The following AGBL4 variants were observed in gnomAD, a reference collection of about 807,000 sequenced individuals.
AGBL4 encodes AGBL carboxypeptidase 4, also known as cytosolic carboxypeptidase 6.
In AGBL4, 58 loss-of-function variants were observed where a neutral mutation model predicts 66.4. The ratio of observed to expected loss-of-function variants is 0.87; its 90% CI spans 0.71 to 1.09. AGBL4 has a LOEUF of 1.09. Ranked by LOEUF, AGBL4 falls within the 50% of genes least tolerant of loss-of-function variation. The pLI, the probability that AGBL4 is intolerant of heterozygous loss-of-function variation, is 0.00. For synonymous variants in AGBL4, 234 were observed against 222.9 expected, an observed-to-expected ratio of 1.05 and a Z score of -0.44; for missense variants, 579 against 631.0, an observed-to-expected ratio of 0.92 and a Z score of 0.88.
chr1:49,563,149 A>C (rs1227459005), intron 3 of AGBL4, among the ~76,000 whole-genome samples: 1 of 151,862 alleles, frequency 6.6e-6, no homozygotes, highest in East Asian at 1.9e-4. Flanking sequence ...TGATTTTTGC[A>C]CATTGATTTT....
chr1:48,774,787 C>A (rs1441860384), intron 6 of AGBL4, among the ~76,000 whole-genome samples: 1 of 152,138 alleles, frequency 6.6e-6, no homozygotes, highest in African/African-American at 2.4e-5. Context: ...CCTGAAGAGT[C>A]AAGCACAGTG....
intron 5 of AGBL4, among the ~76,000 whole-genome samples, chr1:48,881,801 T>A (rs1649817235): frequency 1.3e-5 from 2 of 152,140 alleles, no homozygotes; most frequent in African/African-American, 4.8e-5. Flanking sequence ...TTCCTCTGGA[T>A]CCCTTAATTC....
At chr1:48,785,781 CT>C (rs1201418774) in intron 6 of AGBL4, among the ~76,000 whole-genome samples, 5 of 152,104 alleles carry the variant, frequency 3.3e-5, no homozygotes. Context: ...CTTTCTTATC[CT>C]GTTGTTGTTG....
chr1:48,799,297 G>A (rs766324450), intron 6 of AGBL4, among the ~76,000 whole-genome samples: 18 of 152,026 alleles, frequency 1.2e-4, no homozygotes, highest in African/African-American at 3.4e-4. Flanking sequence ...TCTCAGATTC[G>A]TTGTTGTTGG....
At chr1:49,746,061 T>C (rs1193040223) in intron 2 of AGBL4, among the ~76,000 whole-genome samples, 1 of 152,012 alleles carries the variant, frequency 6.6e-6, no homozygotes, top group African/African-American at 2.4e-5. Flanking sequence ...CAAGAAGCTA[T>C]TAATTTGTTC....
chr1:49,776,077 A>G (rs1329327178), intron 2 of AGBL4, among the ~76,000 whole-genome samples: 1 of 152,120 alleles, frequency 6.6e-6, no homozygotes, highest in Non-Finnish European at 1.5e-5. Flanking sequence ...ACAACCAATG[A>G]CAATGCTGAG....
intron 2 of AGBL4, among the ~76,000 whole-genome samples, chr1:49,817,362 A>C (rs540800638): frequency 6.6e-6 from 1 of 152,320 alleles, no homozygotes; most frequent in African/African-American, 2.4e-5. Flanking sequence ...AGATTGCCTA[A>C]TAAGTTTCCA....
At chr1:49,804,891 G>A (rs759177139) in intron 2 of AGBL4, among the ~76,000 whole-genome samples, 41 of 152,048 alleles carry the variant, frequency 2.7e-4, no homozygotes, top group Non-Finnish European at 4.9e-4. Flanking sequence ...AAAACTTTGA[G>A]GTTTATAGCA....
chr1:48,901,145 A>G (rs1652042753), intron 5 of AGBL4, among the ~76,000 whole-genome samples: 1 of 152,220 alleles, frequency 6.6e-6, no homozygotes, highest in Non-Finnish European at 1.5e-5. Flanking sequence ...GTCATTAGGA[A>G]AATGCAAATT....
intron 2 of AGBL4, among the ~76,000 whole-genome samples, chr1:49,757,476 TC>T (rs1199736234): frequency 6.6e-6 from 1 of 152,152 alleles, no homozygotes. Context: ...GTTTGGATCT[TC>T]CTAGAGACTT....
intron 3 of AGBL4, among the ~76,000 whole-genome samples, chr1:49,609,852 T>G (rs141313636): frequency 6.6e-6 from 1 of 152,300 alleles, no homozygotes; most frequent in Non-Finnish European, 1.5e-5. Flanking sequence ...ATGAGAGAAA[T>G]AATATATTCT....
intron 8 of AGBL4, among the ~76,000 whole-genome samples, chr1:48,642,438 T>A (rs1002312619): frequency 1.3e-5 from 2 of 152,120 alleles, no homozygotes; most frequent in African/African-American, 4.8e-5. Context: ...TCCTCTCTCC[T>A]GCTTGGCAGC....
chr1:49,787,735 A>G (rs1041588694), intron 2 of AGBL4, among the ~76,000 whole-genome samples: 1 of 152,116 alleles, frequency 6.6e-6, no homozygotes, highest in Middle Eastern at 3.2e-3. Context: ...GTCTGGAGAA[A>G]ACCAGGCAGG....
chr1:49,546,475 C>T (rs899198011), intron 3 of AGBL4, among the ~76,000 whole-genome samples: 14 of 151,848 alleles, frequency 9.2e-5, no homozygotes, highest in Admixed American at 9.2e-4. Flanking sequence ...TATGAACATG[C>T]GTTTGCAAAT....
intron 1 of AGBL4, among the ~76,000 whole-genome samples, chr1:49,926,008 C>T (rs1267012198): frequency 1.3e-5 from 2 of 152,204 alleles, no homozygotes; most frequent in Non-Finnish European, 2.9e-5. Flanking sequence ...GCTGACTGTA[C>T]AGCCCCCAGG....
At chr1:49,437,600 A>C (rs1261590581) in intron 3 of AGBL4, among the ~76,000 whole-genome samples, 8 of 152,190 alleles carry the variant, frequency 5.3e-5, no homozygotes, top group Non-Finnish European at 1.5e-5. Context: ...TTGAGTCACC[A>C]CCCAGGAATA....
chr1:48,579,687 G>C (rs1447857420), intron 11 of AGBL4, among the ~76,000 whole-genome samples: 1 of 149,020 alleles, frequency 6.7e-6, no homozygotes, highest in Non-Finnish European at 1.5e-5. Context: ...GAGGCGGATG[G>C]ATCACGAGGT....
intron 1 of AGBL4, among the ~76,000 whole-genome samples, chr1:49,936,814 T>C (rs1654099407): frequency 6.6e-6 from 1 of 152,040 alleles, no homozygotes; most frequent in African/African-American, 2.4e-5. Flanking sequence ...CCACAAGGCC[T>C]GCCATAAAAG....
At chr1:48,694,791 T>G (rs1233204723) in intron 6 of AGBL4, among the ~76,000 whole-genome samples, 1 of 152,084 alleles carries the variant, frequency 6.6e-6, no homozygotes, top group Non-Finnish European at 1.5e-5. Flanking sequence ...TTCCTGACTC[T>G]CCTCTTCTGA....
Sources: gnomAD v4.1 joint callset for allele counts (sites outside exome capture counted in the v4.1 genomes callset) on GRCh38, gnomAD v4.1.1 for gene constraint, MANE v1.5 for transcripts, NCBI Gene and HGNC (gene_info 2026-07-23, HGNC 2026-07-21) for gene names.